MYO3B: variants seen among roughly 807,000 people sequenced by gnomAD.
MYO3B encodes the protein myosin-IIIb.
Under a neutral mutation model 174.6 loss-of-function variants are expected in MYO3B, and 156 were observed. The ratio of observed to expected loss-of-function variants is 0.89; its 90% CI spans 0.78 to 1.02. MYO3B has a LOEUF of 1.02. MYO3B is among the 50% of genes least tolerant of loss of function. The probability of loss-of-function intolerance (pLI) is 0.00; values close to 1 mark genes in which losing one functional copy is unlikely to be tolerated. For synonymous variants in MYO3B, 563 were observed against 569.1 expected (o/e 0.99, Z 0.15); for missense variants, 1,632 against 1,639.4 (o/e 1.00, Z 0.08).
intron 8 of MYO3B, among the ~76,000 whole-genome samples, chr2:170,363,910 C>A (rs532246848): frequency 3.9e-4 from 60 of 151,990 alleles, no homozygotes; most frequent in Non-Finnish European, 6.5e-4. Flanking sequence ...ATTAAAAAAT[C>A]CAGGAATGAA....
chr2:170,188,683 T>C (rs1257037682), intron 1 of MYO3B, among the ~76,000 whole-genome samples: 2 of 152,186 alleles, frequency 1.3e-5, no homozygotes, highest in African/African-American at 4.8e-5. Flanking sequence ...TATAATCCAT[T>C]ATTTTATTAA....
At chr2:170,211,403 C>G (rs1159496008) in intron 3 of MYO3B, among the ~76,000 whole-genome samples, 1 of 152,204 alleles carries the variant, frequency 6.6e-6, no homozygotes, top group Non-Finnish European at 1.5e-5. Context: ...CCGATTTTAG[C>G]CATGCCAAGC....
chr2:170,324,750 C>T (rs1346703307), intron 7 of MYO3B, among the ~76,000 whole-genome samples: 2 of 152,226 alleles, frequency 1.3e-5, no homozygotes, highest in African/African-American at 4.8e-5. Flanking sequence ...GCTTTGTCAG[C>T]AGAGGGCACT....
At chr2:170,624,755 A>T (rs1696255606) in intron 32 of MYO3B, among the ~76,000 whole-genome samples, 1 of 152,114 alleles carries the variant, frequency 6.6e-6, no homozygotes. Context: ...TACCTAATTT[A>T]TTGAGAGTTT....
intron 32 of MYO3B, among the ~76,000 whole-genome samples, chr2:170,559,118 A>G (rs1353324001): frequency 1.3e-5 from 2 of 152,214 alleles, no homozygotes. Flanking sequence ...TTCAACTCTC[A>G]TTTTATAGAT....
chr2:170,311,792 A>G (rs2093741523), intron 7 of MYO3B, among the ~76,000 whole-genome samples: 1 of 152,110 alleles, frequency 6.6e-6, no homozygotes. Context: ...ATTTGTTGTA[A>G]TGTGTGGGTC....
In MYO3B at chr2:170,404,363, A is replaced by T; in HGVS notation, c.2394A>T (p.Glu798Asp). The change falls in exon 20 of 35, where the codon GAA becomes GAT. Residue 798 changes from glutamate to aspartate, a missense_variant. Physicochemically the swap from Glu to Asp is conservative, Grantham distance 45. Transcript: ENST00000408978. ...PLGLLALLDE[E>D]SRFPQATDQT... ...GACTGCTTGCACTTTTGGATGAGGA[A>T]AGTCGGTTTCCCCAAGCAACTGACC... 1 of 1,613,690 alleles carries T rather than the reference A, an allele frequency of 6.2e-7. No homozygotes were observed. Among genetic ancestry groups the T allele is most frequent in the Middle Eastern group, 1.7e-4 (1 of 6,060 alleles).
At chr2:170,520,642 G>A (rs1012826630) in intron 30 of MYO3B, among the ~76,000 whole-genome samples, 2 of 152,052 alleles carry the variant, frequency 1.3e-5, no homozygotes, top group African/African-American at 2.4e-5. Context: ...TTTAGCCACA[G>A]GTTTGAGTTA....
At chr2:170,366,330 C>G (rs1392167028) in intron 8 of MYO3B, among the ~76,000 whole-genome samples, 1 of 152,006 alleles carries the variant, frequency 6.6e-6, no homozygotes, top group East Asian at 1.9e-4. Flanking sequence ...GAGACAGGGT[C>G]TCACTCTGTT....
At position 170,390,603 on chromosome 2, in the gene MYO3B, G is replaced by A. The variant is rs142736385; in HGVS notation, c.1578-917G>A. The stretch of plus-strand genomic sequence containing the variant: ...AGAATGGGGGCCATGCCACAAAGGC[G>A]GATAAGGGGAGAAGAAAGACGATTT... On this transcript the variant is annotated intron_variant, in intron 14 of 34. Coordinates refer to ENST00000408978, the MANE Select transcript of MYO3B (RefSeq NM_138995.5). 1.0e-3 allele frequency among the ~76,000 whole-genome samples: 157 copies of A among 152,268 alleles called. 2 individuals are homozygous for A. Among genetic ancestry groups the A allele is most frequent in the Middle Eastern group, 3.4e-3 (1 of 294 alleles).
intron 25 of MYO3B, among the ~76,000 whole-genome samples, chr2:170,494,836 G>T (rs1686750661): frequency 6.6e-6 from 1 of 151,758 alleles, no homozygotes; most frequent in African/African-American, 2.4e-5. Context: ...CATTTTCCAA[G>T]ATAGAATTTG....
At chr2:170,586,028 A>AC (rs1214447884) in intron 32 of MYO3B, among the ~76,000 whole-genome samples, 1 of 152,194 alleles carries the variant, frequency 6.6e-6, no homozygotes, top group African/African-American at 2.4e-5. Flanking sequence ...AACAAAACAA[A>AC]AAACAAACAA....
chr2:170,207,061 C>T (rs2092720235), intron 3 of MYO3B, among the ~76,000 whole-genome samples: 1 of 152,168 alleles, frequency 6.6e-6, no homozygotes, highest in Non-Finnish European at 1.5e-5. Flanking sequence ...GCCATACTTT[C>T]ATTTCACTTG....
intron 30 of MYO3B, among the ~76,000 whole-genome samples, chr2:170,532,647 T>C (rs1269884439): frequency 6.6e-6 from 1 of 151,950 alleles, no homozygotes; most frequent in Non-Finnish European, 1.5e-5. Flanking sequence ...ACCCCATCTC[T>C]ACTAAAACTA....
chr2:170,513,568 C>T (rs971668193), intron 28 of MYO3B, among the ~76,000 whole-genome samples: 1 of 152,200 alleles, frequency 6.6e-6, no homozygotes, highest in Non-Finnish European at 1.5e-5. Flanking sequence ...TCTGCAAAAA[C>T]CCTGTTTCCA....
intron 25 of MYO3B, among the ~76,000 whole-genome samples, chr2:170,479,593 A>G (rs1685550505): frequency 6.8e-6 from 1 of 146,394 alleles, no homozygotes; most frequent in African/African-American, 2.5e-5. Context: ...CTATATAATA[A>G]AGGTGTATTT....
At chr2:170,528,989 C>T (rs983860233) in intron 30 of MYO3B, among the ~76,000 whole-genome samples, 2 of 152,178 alleles carry the variant, frequency 1.3e-5, no homozygotes, top group Admixed American at 6.5e-5. Context: ...ATTTTAATTT[C>T]GTTTGAATAA....
chr2:170,570,557 G>A (rs766789386), intron 32 of MYO3B, among the ~76,000 whole-genome samples: 32 of 152,130 alleles, frequency 2.1e-4, no homozygotes, highest in Non-Finnish European at 3.2e-4. Flanking sequence ...TCACTCCAGC[G>A]CCTGGGCTCT....
At chr2:170,569,947 T>C (rs1429033713) in intron 32 of MYO3B, among the ~76,000 whole-genome samples, 2 of 151,958 alleles carry the variant, frequency 1.3e-5, no homozygotes, top group African/African-American at 4.8e-5. Context: ...ATTCAGACTG[T>C]TTTGCCAGGT....
Sources: allele counts gnomAD v4.1 joint callset (sites outside exome capture counted in the v4.1 genomes callset), GRCh38; gene constraint gnomAD v4.1.1; transcripts MANE v1.5; gene names NCBI Gene and HGNC (gene_info 2026-07-23, HGNC 2026-07-21).